The following CTNNA3 variants were observed in gnomAD, a reference collection of about 807,000 sequenced individuals.
CTNNA3 encodes the protein catenin alpha 3.
Under a neutral mutation model 95.7 loss-of-function variants are expected in CTNNA3, and 76 were observed. That is an observed-to-expected ratio of 0.79 (90% CI 0.66 to 0.96). The LOEUF is 0.96. Among genes scored for constraint, CTNNA3 ranks in the 40% least tolerant of loss-of-function variants. CTNNA3 has a pLI of 0.00. For synonymous variants in CTNNA3, 431 were observed against 374.4 expected, an observed-to-expected ratio of 1.15 and a Z score of -1.74; for missense variants, 1,191 against 1,089.8, an observed-to-expected ratio of 1.09 and a Z score of -1.31.
In CTNNA3 at chr10:67,296,934, CAAAAAAAA is replaced by C. The variant is rs1210482029; in HGVS notation, c.580-77072_580-77065del. On this transcript the variant is annotated intron_variant, in intron 5 of 17. Coordinates refer to ENST00000433211, the MANE Select transcript of CTNNA3 (RefSeq NM_013266.4). ...GGGCAACAAGAATGAAACGCTGTCTCAAAAAAAAAAAAAAAAAAAAAAAAAAAAGAGTT... is the reference window on the plus strand; with the variant it reads ...GGGCAACAAGAATGAAACGCTGTCTCAAAAAAAAAAAAAAAAAAAAGAGTT... Among the ~76,000 whole-genome samples the C allele has an allele frequency of 9.1e-4, 16 of 17,664 alleles. No individual in the cohort carries two copies. The East Asian group carries it at 0.015, about 17-fold the overall frequency. The allele number at this position is 17,664 out of a possible 152,430, so 11.6% of individuals were successfully genotyped here.
At chr10:66,717,539 T>C (rs1326619254) in intron 9 of CTNNA3, among the ~76,000 whole-genome samples, 3 of 152,076 alleles carry the variant, frequency 2.0e-5, no homozygotes, top group Non-Finnish European at 4.4e-5. Context: ...CTGTCAAAGG[T>C]TAGAGAATCA....
intron 15 of CTNNA3, among the ~76,000 whole-genome samples, chr10:66,063,318 ATAAT>A (rs1164123661): frequency 4.8e-5 from 6 of 123,920 alleles, no homozygotes; most frequent in Non-Finnish European, 1.1e-4. Context: ...ATATATATAT[ATAAT>A]ATATATATAT....
At chr10:66,139,513 A>C (rs1480761809) in intron 13 of CTNNA3, among the ~76,000 whole-genome samples, 2 of 152,150 alleles carry the variant, frequency 1.3e-5, no homozygotes, top group Non-Finnish European at 2.9e-5. Flanking sequence ...TAATGACTTC[A>C]AAGAAAGCCT....
intron 13 of CTNNA3, among the ~76,000 whole-genome samples, chr10:66,230,117 T>C (rs2089515433): frequency 6.6e-6 from 1 of 152,168 alleles, no homozygotes. Context: ...AAATGTCTCT[T>C]TCAGATCATA....
At chr10:67,532,050 T>C (rs890472480) in intron 4 of CTNNA3, among the ~76,000 whole-genome samples, 2 of 152,154 alleles carry the variant, frequency 1.3e-5, no homozygotes, top group African/African-American at 4.8e-5. Flanking sequence ...ATGGAATCCA[T>C]GTGGAACTGT....
intron 10 of CTNNA3, among the ~76,000 whole-genome samples, chr10:66,524,677 A>G (rs1841187882): frequency 6.6e-6 from 1 of 152,214 alleles, no homozygotes; most frequent in Admixed American, 6.5e-5. Context: ...GGCCAATGGA[A>G]CTGAGGCTAC....
intron 5 of CTNNA3, among the ~76,000 whole-genome samples, chr10:67,368,607 A>C (rs1320452474): frequency 6.6e-6 from 1 of 152,214 alleles, no homozygotes; most frequent in Admixed American, 6.5e-5. Context: ...AACTGGAAAC[A>C]ACCCAAGCAT....
intron 7 of CTNNA3, among the ~76,000 whole-genome samples, chr10:66,924,505 C>T (rs1486080894): frequency 3.3e-5 from 5 of 151,990 alleles, no homozygotes; most frequent in Non-Finnish European, 7.4e-5. Flanking sequence ...ATCCACAGAA[C>T]CAGAAGATTT....
chr10:67,400,650 C>A (rs1026948779), intron 5 of CTNNA3, among the ~76,000 whole-genome samples: 4 of 152,020 alleles, frequency 2.6e-5, no homozygotes, highest in Admixed American at 2.0e-4. Flanking sequence ...TTGAAAATAA[C>A]CCCCAAATTA....
chr10:66,022,059 T>G (rs2079230256), intron 15 of CTNNA3, among the ~76,000 whole-genome samples: 1 of 151,950 alleles, frequency 6.6e-6, no homozygotes, highest in Non-Finnish European at 1.5e-5. Context: ...GGTCTTGCTA[T>G]GCTGCCAAGG....
chr10:67,035,667 G>A (rs939443252), intron 7 of CTNNA3, among the ~76,000 whole-genome samples: 1 of 152,030 alleles, frequency 6.6e-6, no homozygotes, highest in East Asian at 1.9e-4. Context: ...ACCTCCCTCA[G>A]TACTCAAAAT....
chr10:67,024,580 C>A (rs943801976), intron 7 of CTNNA3, among the ~76,000 whole-genome samples: 2 of 152,090 alleles, frequency 1.3e-5, no homozygotes, highest in African/African-American at 2.4e-5. Context: ...TGGAGTTATG[C>A]TATAAAATCA....
chr10:67,241,467 A>T (rs1865715677), intron 5 of CTNNA3, among the ~76,000 whole-genome samples: 1 of 152,142 alleles, frequency 6.6e-6, no homozygotes, highest in South Asian at 2.1e-4. Flanking sequence ...TCTAAAGCAT[A>T]ATTAACAATT....
intron 5 of CTNNA3, among the ~76,000 whole-genome samples, chr10:67,356,654 C>T (rs1842819647): frequency 6.6e-6 from 1 of 151,910 alleles, no homozygotes; most frequent in South Asian, 2.1e-4. Flanking sequence ...CCCATTTTTC[C>T]AGCTCACGCC....
At chr10:67,573,974 T>G (rs1252971801) in intron 3 of CTNNA3, among the ~76,000 whole-genome samples, 2 of 152,110 alleles carry the variant, frequency 1.3e-5, no homozygotes, top group African/African-American at 4.8e-5. Context: ...GTTAAGAGAG[T>G]ACATGTGGAA....
chr10:66,345,620 A>T (rs1286818859), intron 12 of CTNNA3, among the ~76,000 whole-genome samples: 1 of 152,128 alleles, frequency 6.6e-6, no homozygotes, highest in Non-Finnish European at 1.5e-5. Context: ...GGAATTCAGT[A>T]TGATTTTAAA....
Position 67,488,088 on chromosome 10 carries a change from C to T in CTNNA3, c.579+33754G>A, listed in dbSNP as rs555316716. Among the ~76,000 whole-genome samples the T allele has an allele frequency of 7.2e-5, 11 of 152,164 alleles. No homozygotes were observed. In the East Asian group the frequency reaches 7.7e-4, roughly 11 times the overall value. On this transcript the variant is annotated intron_variant, in intron 5 of 17. Transcript: ENST00000433211. ...TTAAGAAATCATACATACAGAACCT[C>T]GTTGAGTTTCGAAATTGGAGGTTCT...
chr10:66,163,826 A>C (rs1158176589), intron 13 of CTNNA3, among the ~76,000 whole-genome samples: 1 of 152,108 alleles, frequency 6.6e-6, no homozygotes, highest in Non-Finnish European at 1.5e-5. Context: ...TTTTCATATG[A>C]TCTATGGTGC....
intron 11 of CTNNA3, among the ~76,000 whole-genome samples, chr10:66,506,938 G>A (rs1449941335): frequency 6.6e-6 from 1 of 151,864 alleles, no homozygotes; most frequent in Non-Finnish European, 1.5e-5. Context: ...ATACTATATT[G>A]GTCATCTTTT....
Sources: allele counts gnomAD v4.1 joint callset (sites outside exome capture counted in the v4.1 genomes callset), GRCh38; gene constraint gnomAD v4.1.1; transcripts MANE v1.5; gene names NCBI Gene and HGNC (gene_info 2026-07-23, HGNC 2026-07-21).